The following MKRN1 variants were observed in gnomAD, a reference collection of about 807,000 sequenced individuals.
MKRN1 encodes makorin ring finger protein 1.
MKRN1 carries 9 observed loss-of-function variants against 55.5 expected under a neutral mutation model. The ratio of observed to expected loss-of-function variants is 0.16; its 90% CI spans 0.10 to 0.28. MKRN1 has a LOEUF of 0.28. MKRN1 is among the 10% of genes least tolerant of loss of function. MKRN1 has a pLI of 1.00. For synonymous variants in MKRN1, 253 were observed against 235.9 expected (o/e 1.07, Z -0.66); for missense variants, 488 against 626.7 (o/e 0.78, Z 2.36).
rs1241069779 is a variant in MKRN1 at position 140,456,749 on chromosome 7, G to A, written c.889C>T (p.Arg297Cys). ...VVYEKANPSE[R>C]RFGILSNCNH... ...CAGTTGGAGAGGATCCCGAAGCGGC[G>A]CTCACTGGGGTTGGCTTTCTCATAG... The change falls in exon 5 of 8, where the codon CGC (arginine) becomes TGC (cysteine). Residue 297 changes from arginine (R) to cysteine (C), a missense_variant. Coordinates refer to ENST00000255977, the MANE Select transcript of MKRN1 (RefSeq NM_013446.4). 11 of 1,613,884 alleles carry A rather than the reference G, an allele frequency of 6.8e-6. No individual in the cohort carries two copies. Among genetic ancestry groups the A allele is most frequent in the South Asian group, 1.1e-5 (1 of 91,082 alleles).
At chr7:140,456,968 G>GA (rs1323359135) in intron 4 of MKRN1, 102 bp from the exon 5 acceptor site, 6 of 1,176,748 alleles carry the variant, frequency 5.1e-6, no homozygotes, top group African/African-American at 1.5e-5. Flanking sequence ...ATAGTCAACT[G>GA]AAAAAACAAT....
At position 140,454,709 on chromosome 7, in the gene MKRN1, G is replaced by A. The variant is rs1219079015; in HGVS notation, c.1257C>T (p.Phe419=). Residue 419 remains phenylalanine (F), a synonymous_variant, in exon 8 of 8, where the codon TTC becomes TTT. Coordinates refer to ENST00000255977, the MANE Select transcript of MKRN1 (RefSeq NM_013446.4). The part of the protein sequence containing the change: ...SRYRAQRRNH[F]WELIEERENS... ...TCTCTCTTTCCTCAATGAGTTCCCA[G>A]AAGTGGTTCCTTCGTTGGGCCTGTA... 2.5e-6 allele frequency: 4 copies of A among 1,613,836 alleles called. No individual in the cohort carries two copies. In the African/African-American group the frequency reaches 4.0e-5, roughly 16 times the overall value.
At chr7:140,471,388 TAAA>T (rs879699257) in intron 2 of MKRN1, among the ~76,000 whole-genome samples, 5 of 151,916 alleles carry the variant, frequency 3.3e-5, no homozygotes, top group South Asian at 2.1e-4. Flanking sequence ...AAAAAATAAA[TAAA>T]AAATAAATTT....
At position 140,459,237 on chromosome 7, in the gene MKRN1, A is replaced by G; in HGVS notation, c.545-4T>C. 6.2e-7 allele frequency: 1 copy of G among 1,613,740 alleles called. No homozygotes were observed. Among genetic ancestry groups the G allele is most frequent in the Non-Finnish European group, 8.5e-7 (1 of 1,179,772 alleles). ...GCTTCAGTGCAGGAAGGCGCAGCTG[A>G]AAATGTGTAAGAGGGTGGTAAAGGT... On this transcript the variant is annotated splice_polypyrimidine_tract_variant and splice_region_variant and intron_variant, in intron 3 of 7. Coordinates refer to ENST00000255977, the MANE Select transcript of MKRN1 (RefSeq NM_013446.4).
intron 1 of MKRN1, among the ~76,000 whole-genome samples, chr7:140,475,514 AT>A (rs971202807): frequency 1.3e-5 from 2 of 151,988 alleles, no homozygotes; most frequent in Non-Finnish European, 1.5e-5. Flanking sequence ...GCAAAAAAAA[AT>A]TAGCCTGGGG....
chr7:140,463,319 T>A (rs1417062111), intron 2 of MKRN1, among the ~76,000 whole-genome samples: 1 of 152,216 alleles, frequency 6.6e-6, no homozygotes, highest in Non-Finnish European at 1.5e-5. Flanking sequence ...ATGACCTCAC[T>A]GTCCTACTAA....
intron 6 of MKRN1, 178 bp downstream of exon 6, chr7:140,455,612 A>G: frequency 1.7e-6 from 1 of 595,500 alleles, no homozygotes; most frequent in Middle Eastern, 4.5e-4. Context: ...ATGGACCCCA[A>G]GGACTGTGTT....
intron 2 of MKRN1, among the ~76,000 whole-genome samples, chr7:140,462,034 G>A (rs1417375914): frequency 6.6e-6 from 1 of 152,150 alleles, no homozygotes; most frequent in African/African-American, 2.4e-5. Flanking sequence ...TTTACACTAA[G>A]AAATTGACTG....
intron 2 of MKRN1, among the ~76,000 whole-genome samples, chr7:140,461,975 C>G (rs1585473183): frequency 6.6e-6 from 1 of 152,188 alleles, no homozygotes; most frequent in East Asian, 1.9e-4. Context: ...AAGAGCAAAA[C>G]TCCATCTCGA....
intron 4 of MKRN1, 33 bp from the exon 5 acceptor site, chr7:140,456,899 C>T: frequency 3.1e-6 from 5 of 1,595,036 alleles, no homozygotes; most frequent in Admixed American, 1.7e-5. Context: ...AAGTGGAATC[C>T]AGTCATTGAA....
At chr7:140,479,048 CCCG>C (rs1795210169) in intron 1 of MKRN1, 109 bp downstream of exon 1, 1 of 1,198,816 alleles carries the variant, frequency 8.3e-7, no homozygotes, top group South Asian at 3.6e-5. Flanking sequence ...AACGCCGGTC[CCCG>C]CCCTCCCGCG....
Position 140,471,937 on chromosome 7 carries a change from C to T in MKRN1, c.260G>A (p.Ser87Asn). The T allele has an allele frequency of 6.2e-7, 1 of 1,614,034 alleles. No homozygotes were observed. The highest frequency in any genetic ancestry group is 2.2e-5 in the East Asian group (1 of 44,904). Residue 87 changes from serine (S) to asparagine (N), a missense_variant, in exon 2 of 8, where the codon AGT becomes AAT. Ser to Asn is a conservative substitution (Grantham distance 46). This residue lies in a region of MKRN1 where 210 missense variants were observed against 220.0 expected (regional missense o/e 0.95). Transcript: ENST00000255977. ...TCGCTGAAAATACTTGCACACTACA[C>T]TATACGGACTGTCAGAGAGGTCATG... ...YSHDLSDSPY[S>N]VVCKYFQRGY...
At chr7:140,477,129 A>C (rs1795146232) in intron 1 of MKRN1, among the ~76,000 whole-genome samples, 3 of 151,330 alleles carry the variant, frequency 2.0e-5, no homozygotes, top group African/African-American at 4.9e-5. Context: ...GATAGTTGAC[A>C]TTCCTCTATC....
chr7:140,461,454 C>T (rs752859458), intron 2 of MKRN1, among the ~76,000 whole-genome samples: 10 of 151,936 alleles, frequency 6.6e-5, no homozygotes, highest in Admixed American at 2.6e-4. Context: ...ACCAGCCTGG[C>T]GAAACCTGGT....
intron 2 of MKRN1, among the ~76,000 whole-genome samples, chr7:140,468,071 T>C (rs1300660353): frequency 6.7e-6 from 1 of 148,360 alleles, no homozygotes; most frequent in African/African-American, 2.5e-5. Flanking sequence ...TTTTTTTCAT[T>C]CACTCCATCT....
chr7:140,478,971 G>A (rs1042688500), intron 1 of MKRN1, 189 bp downstream of exon 1: 5 of 644,426 alleles, frequency 7.8e-6, no homozygotes, highest in Non-Finnish European at 1.1e-5. Flanking sequence ...CGGCCCAGCG[G>A]GGGTTGACGC....
At position 140,455,649 on chromosome 7, in the gene MKRN1, C is replaced by CA. The variant is rs1450726528; in HGVS notation, c.1097+140dup. Reference sequence around the variant, plus strand: ...TAGCAAGATATATACTGGATGTTATCAGGGTGACAAAATAAACTGTCCTGG... The same window carrying CA: ...TAGCAAGATATATACTGGATGTTATCAAGGGTGACAAAATAAACTGTCCTGG... On this transcript the variant is annotated intron_variant, in intron 6 of 7. Transcript: ENST00000255977. 7.6e-6 allele frequency: 5 copies of CA among 660,600 alleles called. No homozygotes were observed. The East Asian group carries it at 1.4e-4, about 18-fold the overall frequency. The allele number at this position is 660,600 out of a possible 1,614,324, so 40.9% of individuals were successfully genotyped here. A position where few individuals can be genotyped will look rare whatever the true frequency, so the allele number is the denominator to read the frequency against.
At chr7:140,462,059 ACT>A (rs1794636283) in intron 2 of MKRN1, among the ~76,000 whole-genome samples, 2 of 152,204 alleles carry the variant, frequency 1.3e-5, no homozygotes, top group East Asian at 3.9e-4. Flanking sequence ...TCAGAGACTC[ACT>A]CTATCTCCTA....
intron 7 of MKRN1, 75 bp downstream of exon 7, chr7:140,455,020 C>T: frequency 6.4e-7 from 1 of 1,565,604 alleles, no homozygotes; most frequent in Non-Finnish European, 8.7e-7. Flanking sequence ...CCTTCTCCTT[C>T]CCCTACCCCA....
Sources: gnomAD v4.1 joint callset for allele counts (sites outside exome capture counted in the v4.1 genomes callset) on GRCh38, gnomAD v4.1.1 for gene constraint, gnomAD v4.1.1 regional missense constraint, MANE v1.5 for transcripts, NCBI Gene and HGNC (gene_info 2026-07-23, HGNC 2026-07-21) for gene names.